The following PRORP variants were observed in gnomAD, a reference collection of about 807,000 sequenced individuals.
PRORP encodes mitochondrial ribonuclease P catalytic subunit.
A neutral mutation model predicts 59.4 loss-of-function variants in PRORP; 51 were observed. The ratio of observed to expected loss-of-function variants is 0.86; its 90% CI spans 0.69 to 1.08. PRORP has a LOEUF of 1.08. PRORP is among the 50% of genes least tolerant of loss of function. PRORP has a pLI of 0.00. For synonymous variants in PRORP, 231 were observed against 245.6 expected (o/e 0.94, Z 0.55); for missense variants, 646 against 690.3 (o/e 0.94, Z 0.72).
chr14:35,240,608 C>T (rs2050340578), intron 5 of PRORP, among the ~76,000 whole-genome samples: 1 of 152,104 alleles, frequency 6.6e-6, no homozygotes, highest in Admixed American at 6.5e-5. Context: ...TTTTATTCTA[C>T]AACATATCAG....
At chr14:35,242,103 A>C (rs971104998) in intron 5 of PRORP, among the ~76,000 whole-genome samples, 1 of 152,226 alleles carries the variant, frequency 6.6e-6, no homozygotes, top group Non-Finnish European at 1.5e-5. Context: ...TTAGAATAAT[A>C]TACATCTTAG....
chr14:35,263,613 G>C (rs1196989844), intron 5 of PRORP, among the ~76,000 whole-genome samples: 2 of 152,114 alleles, frequency 1.3e-5, no homozygotes, highest in East Asian at 3.8e-4. Context: ...GCTTGAACCT[G>C]GGAGGCAGAG....
At chr14:35,233,252 A>G (rs2050127524) in intron 5 of PRORP, among the ~76,000 whole-genome samples, 2 of 150,138 alleles carry the variant, frequency 1.3e-5, no homozygotes, top group African/African-American at 2.5e-5. Flanking sequence ...GGTACTTACC[A>G]TCGGCTACGG....
chr14:35,147,189 A>C (rs1157093119), intron 4 of PRORP, among the ~76,000 whole-genome samples: 1 of 152,170 alleles, frequency 6.6e-6, no homozygotes, highest in African/African-American at 2.4e-5. Flanking sequence ...AGATACCTTA[A>C]TTTAAAAATA....
At chr14:35,185,039 A>T (rs541254143) in intron 5 of PRORP, among the ~76,000 whole-genome samples, 1 of 152,304 alleles carries the variant, frequency 6.6e-6, no homozygotes, top group African/African-American at 2.4e-5. Context: ...GTATATGCTC[A>T]GTAATGGGAT....
At chr14:35,244,377 T>C (rs1454290061) in intron 5 of PRORP, among the ~76,000 whole-genome samples, 2 of 152,176 alleles carry the variant, frequency 1.3e-5, no homozygotes, top group Admixed American at 1.3e-4. Flanking sequence ...TTAAATATAA[T>C]TTAATGCAGA....
intron 5 of PRORP, among the ~76,000 whole-genome samples, chr14:35,261,896 A>C (rs1308368027): frequency 1.3e-5 from 2 of 152,022 alleles, no homozygotes; most frequent in African/African-American, 4.8e-5. Flanking sequence ...TGTGTCTTTC[A>C]ATTATTCTCC....
chr14:35,165,334 CTGGGTTTTGA>C (rs2048157666), intron 4 of PRORP, among the ~76,000 whole-genome samples: 1 of 152,078 alleles, frequency 6.6e-6, no homozygotes, highest in African/African-American at 2.4e-5. Context: ...GAATGAACTT[CTGGGTTTTGA>C]ACCCCAAGTT....
intron 7 of PRORP, among the ~76,000 whole-genome samples, chr14:35,271,417 A>G (rs2051186671): frequency 6.6e-6 from 1 of 152,000 alleles, no homozygotes; most frequent in Admixed American, 6.6e-5. Flanking sequence ...TCAGCCTCCC[A>G]AAGTGCTGGG....
chr14:35,188,425 GTGATCT>G (rs570339750), intron 5 of PRORP, among the ~76,000 whole-genome samples: 1 of 150,798 alleles, frequency 6.6e-6, no homozygotes, highest in South Asian at 2.1e-4. Flanking sequence ...TCCTGACCTC[GTGATCT>G]GCCCGCCTCG....
At chr14:35,155,862 C>CGT (rs1555322907) in intron 4 of PRORP, among the ~76,000 whole-genome samples, 2 of 151,826 alleles carry the variant, frequency 1.3e-5, no homozygotes, top group African/African-American at 4.8e-5. Context: ...GTCATTTGCA[C>CGT]GTTTCTTTTT....
chr14:35,149,368 A>G (rs2047687982), intron 4 of PRORP, among the ~76,000 whole-genome samples: 1 of 151,932 alleles, frequency 6.6e-6, no homozygotes, highest in Admixed American at 6.6e-5. Context: ...GCATACCACC[A>G]TACCTGGATC....
Position 35,134,904 on chromosome 14 carries a change from G to A in PRORP, c.1167+7293G>A, listed in dbSNP as rs867684869. 3.9e-5 allele frequency among the ~76,000 whole-genome samples: 6 copies of A among 152,228 alleles called. No individual in the cohort carries two copies. The South Asian group carries it at 8.3e-4, about 21-fold the overall frequency. ...TAGACTGCCTTTCAAATTTATTTAC[G>A]GGCCTGGAGCACTTTGGCCCATGGT... On this transcript the variant is annotated intron_variant, in intron 4 of 7. Transcript: ENST00000534898.
At chr14:35,263,929 G>T (rs2050970810) in intron 5 of PRORP, among the ~76,000 whole-genome samples, 1 of 151,894 alleles carries the variant, frequency 6.6e-6, no homozygotes, top group African/African-American at 2.4e-5. Context: ...CTCACATGAA[G>T]TGGGCAAGTT....
At chr14:35,154,778 G>A (rs2047870087) in intron 4 of PRORP, among the ~76,000 whole-genome samples, 1 of 152,124 alleles carries the variant, frequency 6.6e-6, no homozygotes, top group African/African-American at 2.4e-5. Flanking sequence ...GCAGTGTATG[G>A]ATCATATTGG....
At chr14:35,148,197 C>T (rs2047656937) in intron 4 of PRORP, among the ~76,000 whole-genome samples, 1 of 152,174 alleles carries the variant, frequency 6.6e-6, no homozygotes, top group Non-Finnish European at 1.5e-5. Flanking sequence ...TGACTTTGCC[C>T]AAATCCTTCA....
chr14:35,175,797 A>C (rs563960844), intron 4 of PRORP, among the ~76,000 whole-genome samples: 18,918 of 152,040 alleles, frequency 0.12, 1,252 homozygotes, highest in Middle Eastern at 0.17. Flanking sequence ...TTAGTGTTTT[A>C]GACATGAAGT....
At chr14:35,146,132 C>T (rs1031683609) in intron 4 of PRORP, among the ~76,000 whole-genome samples, 4 of 152,058 alleles carry the variant, frequency 2.6e-5, no homozygotes, top group South Asian at 4.1e-4. Flanking sequence ...CACTCAGCCC[C>T]ATTTTGAACT....
At chr14:35,242,018 C>T (rs1330610688) in intron 5 of PRORP, among the ~76,000 whole-genome samples, 1 of 152,112 alleles carries the variant, frequency 6.6e-6, no homozygotes, top group African/African-American at 2.4e-5. Context: ...CCCTTATATC[C>T]ACCCGTGCTT....
Sources: allele counts gnomAD v4.1 joint callset (sites outside exome capture counted in the v4.1 genomes callset), GRCh38; gene constraint gnomAD v4.1.1; transcripts MANE v1.5; gene names NCBI Gene and HGNC (gene_info 2026-07-23, HGNC 2026-07-21).